The following MTF1 variants were observed in gnomAD, a reference collection of about 807,000 sequenced individuals.
MTF1 encodes the protein MRE-binding transcription factor.
Under a neutral mutation model 70.4 loss-of-function variants are expected in MTF1, and 22 were observed. The observed-to-expected ratio is 0.31, with a 90% CI of 0.22 to 0.45. The LOEUF (loss-of-function observed/expected upper bound fraction) is 0.45, where lower values mean the gene tolerates loss of function less well. MTF1 is among the 20% of genes least tolerant of loss of function. The probability of loss-of-function intolerance (pLI) is 1.00; values close to 1 mark genes in which losing one functional copy is unlikely to be tolerated. For synonymous variants in MTF1, 333 were observed against 352.8 expected (o/e 0.94, Z 0.63); for missense variants, 649 against 922.0 (o/e 0.70, Z 3.83).
intron 2 of MTF1, among the ~76,000 whole-genome samples, chr1:37,854,260 T>G (rs779572953): frequency 6.6e-6 from 1 of 152,218 alleles, no homozygotes; most frequent in African/African-American, 2.4e-5. Context: ...CCACCAGCCT[T>G]GGCCTCCCAA....
rs1640799944 is a variant in MTF1, at chr1:37,815,393, G to C, written c.2005C>G (p.Pro669Ala). 1.9e-6 allele frequency: 3 copies of C among 1,613,972 alleles called. No individual in the cohort carries two copies. Among genetic ancestry groups the C allele is most frequent in the African/African-American group, 1.3e-5 (1 of 74,898 alleles). ...GTCTGCGCTGGGAGCTGCAGGCTGG[G>C]CCCATCAGGAGCCTGGGGGCTCGGC... is the stretch of plus-strand genomic sequence containing the variant. ...PEPSPQAPDG[P>A]SLQLPAQTFS... is the part of the protein sequence containing the mutation. Residue 669 changes from proline (P) to alanine (A), a missense_variant, in exon 11 of 11, where the codon CCC (proline) becomes GCC (alanine). Pro to Ala is a conservative substitution (Grantham distance 27). Transcript: ENST00000373036. The surrounding 1 kb of genome is among the most constrained non-coding windows in gnomAD (Gnocchi z 4.5).
chr1:37,843,610 T>C (rs1641289224), intron 2 of MTF1, among the ~76,000 whole-genome samples: 1 of 152,208 alleles, frequency 6.6e-6, no homozygotes, highest in South Asian at 2.1e-4. Flanking sequence ...CAACAGACAA[T>C]ACGTAAATGA....
chr1:37,831,676 A>G (rs1310332830), intron 7 of MTF1, among the ~76,000 whole-genome samples: 1 of 152,226 alleles, frequency 6.6e-6, no homozygotes, highest in Non-Finnish European at 1.5e-5. Context: ...TCAGATTAAG[A>G]TAAAGTGGGC....
intron 2 of MTF1, among the ~76,000 whole-genome samples, chr1:37,854,136 T>A (rs1271302895): frequency 6.6e-6 from 1 of 152,106 alleles, no homozygotes; most frequent in Non-Finnish European, 1.5e-5. Flanking sequence ...GTCTCCAGAG[T>A]AGCTGGGATT....
chr1:37,832,542 AC>A (rs1308428565), intron 6 of MTF1, among the ~76,000 whole-genome samples: 2 of 152,218 alleles, frequency 1.3e-5, no homozygotes, highest in East Asian at 3.8e-4. Context: ...CAGGTTTGTT[AC>A]ATTATGTATA....
chr1:37,844,281 C>T (rs1641300379), intron 2 of MTF1, among the ~76,000 whole-genome samples: 1 of 152,184 alleles, frequency 6.6e-6, no homozygotes, highest in Admixed American at 6.5e-5. Flanking sequence ...TCCTACTTCC[C>T]TGACTTCGTT....
intron 1 of MTF1, among the ~76,000 whole-genome samples, chr1:37,859,201 G>A (rs1399631668): frequency 1.3e-5 from 2 of 152,256 alleles, no homozygotes. Flanking sequence ...CAGGAGGTTT[G>A]AGGGTAGCCA....
chr1:37,830,627 T>C (rs556141571), intron 7 of MTF1, among the ~76,000 whole-genome samples: 1 of 152,390 alleles, frequency 6.6e-6, no homozygotes, highest in South Asian at 2.1e-4. Flanking sequence ...TTCCTGTTTC[T>C]TCACGTGTTT....
rs562102392 is a variant in MTF1, at chr1:37,852,851, G to C, written c.408+4400C>G. Among the ~76,000 whole-genome samples the C allele has an allele frequency of 2.0e-5, 3 of 152,178 alleles. No individual in the cohort carries two copies. The South Asian group carries it at 6.2e-4, about 32-fold the overall frequency. On this transcript the variant is annotated intron_variant, in intron 2 of 10. Coordinates refer to ENST00000373036, the MANE Select transcript of MTF1 (RefSeq NM_005955.3). The stretch of plus-strand genomic sequence containing the variant: ...TCACCATGTTGGCCAGGCTGGTCTA[G>C]AGCTCCAGACCTCAACTGATCCACC...
rs370094014 is a variant in MTF1, at chr1:37,815,328, G to A, written c.2070C>T (p.Thr690=). 3.7e-6 allele frequency: 6 copies of A among 1,614,024 alleles called. No individual in the cohort carries two copies. In the African/African-American group the frequency reaches 6.7e-5, roughly 18 times the overall value. ...SAPVPGSSSS[T]LPSSCEQSRQ... is the part of the protein sequence containing the mutation. ...GGCTTTGCTCACAGGAGGAGGGCAA[G>A]GTAGAGGATGATGACCCGGGAACAG... The change falls in exon 11 of 11, where the codon ACC becomes ACT. Residue 690 remains threonine, a synonymous_variant. Coordinates refer to ENST00000373036, the MANE Select transcript of MTF1 (RefSeq NM_005955.3). The surrounding 1 kb of genome is among the most constrained non-coding windows in gnomAD (Gnocchi z 4.5).
chr1:37,816,511 C>T (rs1014808892), intron 10 of MTF1, among the ~76,000 whole-genome samples: 2 of 151,886 alleles, frequency 1.3e-5, no homozygotes. Flanking sequence ...CTTGTCTCTA[C>T]TAAAAATACA....
intron 10 of MTF1, 103 bp downstream of exon 10, chr1:37,817,316 A>T: frequency 1.3e-6 from 1 of 759,662 alleles, no homozygotes; most frequent in Non-Finnish European, 2.3e-6. Flanking sequence ...GAGGCTGTTT[A>T]AAGATTTTTA....
intron 2 of MTF1, among the ~76,000 whole-genome samples, chr1:37,852,477 C>T (rs1399982294): frequency 2.0e-5 from 3 of 152,142 alleles, no homozygotes; most frequent in African/African-American, 7.2e-5. Context: ...CACAGCACTT[C>T]GAATACACCT....
rs1640752300 is a variant in MTF1, at chr1:37,812,501, A to G, written c.*2635T>C. 6.6e-6 allele frequency: 1 copy of G among 152,200 alleles called. No homozygotes were observed. The highest frequency in any genetic ancestry group is 6.5e-5 in the Admixed American group (1 of 15,278). 9.4% of individuals were successfully genotyped at this position (152,200 alleles called of 1,614,324 possible). On this transcript the variant is annotated 3_prime_UTR_variant, in exon 11 of 11. Transcript: ENST00000373036. The stretch of plus-strand genomic sequence containing the variant: ...CAGATACTTCAGCTTCTTCAACTGG[A>G]AAAATCTGTCAGCCTAAACACTGTT...
chr1:37,827,236 A>C (rs903399710), intron 7 of MTF1, among the ~76,000 whole-genome samples: 1 of 152,056 alleles, frequency 6.6e-6, no homozygotes, highest in Non-Finnish European at 1.5e-5. Flanking sequence ...GCTGATTATA[A>C]ACCACTATTT....
At chr1:37,849,166 C>T (rs1378641416) in intron 2 of MTF1, among the ~76,000 whole-genome samples, 1 of 152,222 alleles carries the variant, frequency 6.6e-6, no homozygotes, top group East Asian at 1.9e-4. Flanking sequence ...CAGCTCACAC[C>T]TGTAATCCCA....
In MTF1 at chr1:37,815,415, C is replaced by T. The variant is rs778941239; in HGVS notation, c.1983G>A (p.Pro661=). 114 of 1,613,480 alleles carry T rather than the reference C, an allele frequency of 7.1e-5. No individual in the cohort carries two copies. The highest frequency in any genetic ancestry group is 1.6e-4 in the Middle Eastern group (1 of 6,082). The change falls in exon 11 of 11, where the codon CCG becomes CCA. Residue 661 remains proline (P), a synonymous_variant. Coordinates refer to ENST00000373036, the MANE Select transcript of MTF1 (RefSeq NM_005955.3). This position sits in a 1 kb window ranked among gnomAD's most constrained non-coding sequence, Gnocchi z 4.5. ...TGGGCCCATCAGGAGCCTGGGGGCT[C>T]GGCTCTGGAGGGGGTGGGGAGGAGC... is the stretch of plus-strand genomic sequence containing the variant. The part of the protein sequence containing the change: ...KGCSSPPPPE[P]SPQAPDGPSL...
At chr1:37,848,212 T>C (rs1232989744) in intron 2 of MTF1, among the ~76,000 whole-genome samples, 1 of 152,160 alleles carries the variant, frequency 6.6e-6, no homozygotes, top group Non-Finnish European at 1.5e-5. Context: ...TGGGGGTCTA[T>C]GAGGAAAAGA....
At chr1:37,856,974 A>C (rs1261546009) in intron 2 of MTF1, among the ~76,000 whole-genome samples, 1 of 152,228 alleles carries the variant, frequency 6.6e-6, no homozygotes, top group East Asian at 1.9e-4. Context: ...AGCACCAGAA[A>C]CATGGGTCTA....
Sources: allele counts gnomAD v4.1 joint callset (sites outside exome capture counted in the v4.1 genomes callset), GRCh38; gene constraint gnomAD v4.1.1; non-coding constraint Gnocchi (gnomAD v3.1); transcripts MANE v1.5; gene names NCBI Gene and HGNC (gene_info 2026-07-23, HGNC 2026-07-21).